CHRM2: variants seen among roughly 807,000 people sequenced by gnomAD.
The protein encoded by CHRM2 is muscarinic acetylcholine receptor M2.
In CHRM2, 8 loss-of-function variants were observed where a neutral mutation model predicts 25.0. That is an observed-to-expected ratio of 0.32 (90% confidence interval 0.19 to 0.58). The LOEUF is 0.58. Ranked by LOEUF, CHRM2 falls within the 20% of genes least tolerant of loss-of-function variation. CHRM2 has a pLI of 0.88. For missense variants in CHRM2, 440 were observed against 567.1 expected (o/e 0.78, Z 2.28); for synonymous variants, 202 against 205.7 (o/e 0.98, Z 0.15).
intron 2 of CHRM2, among the ~76,000 whole-genome samples, chr7:136,914,739 A>T (rs1798015333): frequency 6.6e-6 from 1 of 151,956 alleles, no homozygotes; most frequent in African/African-American, 2.4e-5. Context: ...AGGGATGTTA[A>T]TCAAACCTAC....
At chr7:136,964,239 GT>G (rs1239884649) in intron 2 of CHRM2, among the ~76,000 whole-genome samples, 1 of 151,626 alleles carries the variant, frequency 6.6e-6, no homozygotes, top group Non-Finnish European at 1.5e-5. Flanking sequence ...ATATATATAT[GT>G]TTTTAAATGA....
At chr7:137,000,335 A>G (rs1266532566) in intron 3 of CHRM2, among the ~76,000 whole-genome samples, 2 of 148,420 alleles carry the variant, frequency 1.3e-5, no homozygotes, top group African/African-American at 5.0e-5. Context: ...AGTAGCCGGG[A>G]TTATAAATGC....
At chr7:136,894,898 C>T (rs753837667) in intron 2 of CHRM2, among the ~76,000 whole-genome samples, 1 of 152,056 alleles carries the variant, frequency 6.6e-6, no homozygotes, top group Non-Finnish European at 1.5e-5. Flanking sequence ...ATTAACAAAC[C>T]GAGGCTATCA....
intron 2 of CHRM2, among the ~76,000 whole-genome samples, chr7:136,947,696 A>G (rs1475444432): frequency 6.6e-6 from 1 of 152,174 alleles, no homozygotes; most frequent in African/African-American, 2.4e-5. Flanking sequence ...ATTAATGTTT[A>G]TAATTTACAG....
chr7:136,918,549 A>T (rs1798247893), intron 2 of CHRM2, among the ~76,000 whole-genome samples: 1 of 150,828 alleles, frequency 6.6e-6, no homozygotes, highest in East Asian at 2.0e-4. Context: ...TTTGCTGAAA[A>T]TATTTCCCTG....
rs57283576 is a variant in CHRM2, at chr7:137,000,194, C to CTTT, written c.-47+7950_-47+7952dup. 1.4e-3 allele frequency among the ~76,000 whole-genome samples: 105 copies of CTTT among 73,282 alleles called. 1 individual carries two copies. Among genetic ancestry groups the CTTT allele is most frequent in the African/African-American group, 2.0e-3 (35 of 17,666 alleles). 48.1% of individuals were successfully genotyped at this position (73,282 alleles called of 152,430 possible). ...TTGTCTTTCATAATTCTTTTTCTTT[C>CTTT]TTTTTTTTTTTTTTTTTTTTTTCGG... is the stretch of plus-strand genomic sequence containing the variant. On this transcript the variant is annotated intron_variant, in intron 3 of 3. Coordinates refer to ENST00000680005, the MANE Select transcript of CHRM2 (RefSeq NM_001006630.2).
chr7:136,886,267 C>G (rs1796460719), intron 2 of CHRM2, among the ~76,000 whole-genome samples: 1 of 152,304 alleles, frequency 6.6e-6, no homozygotes, highest in Admixed American at 6.5e-5. Context: ...CATGAAAACA[C>G]CGAGTGATAG....
chr7:136,981,153 T>C (rs763045392), intron 2 of CHRM2, among the ~76,000 whole-genome samples: 30 of 152,226 alleles, frequency 2.0e-4, no homozygotes, highest in Non-Finnish European at 3.7e-4. Context: ...ATTCAACTTC[T>C]TCCTGGTTTA....
At chr7:136,920,812 T>C (rs1798386249) in intron 2 of CHRM2, among the ~76,000 whole-genome samples, 1 of 152,144 alleles carries the variant, frequency 6.6e-6, no homozygotes, top group Non-Finnish European at 1.5e-5. Flanking sequence ...CTTCAAATTC[T>C]TCATCAGCTC....
At chr7:136,986,319 A>C (rs763877125) in intron 2 of CHRM2, among the ~76,000 whole-genome samples, 18 of 151,740 alleles carry the variant, frequency 1.2e-4, no homozygotes, top group Non-Finnish European at 2.4e-4. Flanking sequence ...TTTCCCCTCA[A>C]AGATTAAATT....
At chr7:136,948,586 T>C (rs1370998471) in intron 2 of CHRM2, among the ~76,000 whole-genome samples, 2 of 152,128 alleles carry the variant, frequency 1.3e-5, no homozygotes, top group Non-Finnish European at 2.9e-5. Flanking sequence ...AGCCAAAATG[T>C]TGTGAAAGTG....
intron 2 of CHRM2, among the ~76,000 whole-genome samples, chr7:136,875,036 A>T (rs1795993367): frequency 6.6e-6 from 1 of 150,618 alleles, no homozygotes; most frequent in South Asian, 2.1e-4. Context: ...ATATATATAT[A>T]TATGTAAAAA....
chr7:137,006,978 C>G (rs1804479135), intron 3 of CHRM2, among the ~76,000 whole-genome samples: 1 of 151,984 alleles, frequency 6.6e-6, no homozygotes, highest in African/African-American at 2.4e-5. Flanking sequence ...CAGAAACCCA[C>G]CAGCAGTATT....
chr7:136,904,902 C>G (rs1797447643), intron 2 of CHRM2, among the ~76,000 whole-genome samples: 1 of 151,850 alleles, frequency 6.6e-6, no homozygotes, highest in Non-Finnish European at 1.5e-5. Flanking sequence ...GTGAGAGGGA[C>G]TTTAACTCAC....
At chr7:137,005,807 G>T (rs1186235203) in intron 3 of CHRM2, among the ~76,000 whole-genome samples, 1 of 152,082 alleles carries the variant, frequency 6.6e-6, no homozygotes. Flanking sequence ...TTAATTCAAA[G>T]CAATGAATTA....
chr7:136,942,913 C>G (rs560278073), intron 2 of CHRM2, among the ~76,000 whole-genome samples: 1 of 151,426 alleles, frequency 6.6e-6, no homozygotes, highest in African/African-American at 2.4e-5. Context: ...TTTCTAACCC[C>G]TTACTGTCAG....
chr7:137,007,709 C>T (rs1804538057), intron 3 of CHRM2, among the ~76,000 whole-genome samples: 1 of 152,096 alleles, frequency 6.6e-6, no homozygotes, highest in Non-Finnish European at 1.5e-5. Context: ...CCAGGACTCG[C>T]TTCCATCTGT....
chr7:136,884,560 T>G (rs1031605528), intron 2 of CHRM2, among the ~76,000 whole-genome samples: 2 of 151,716 alleles, frequency 1.3e-5, no homozygotes, highest in Non-Finnish European at 2.9e-5. Context: ...CAATTGGTGG[T>G]GAGTTGAGGA....
chr7:136,934,184 T>C (rs1799278730), intron 2 of CHRM2, among the ~76,000 whole-genome samples: 1 of 152,090 alleles, frequency 6.6e-6, no homozygotes, highest in South Asian at 2.1e-4. Context: ...CTATGGAATT[T>C]TATATTTCTC....
Sources: allele counts gnomAD v4.1 joint callset (sites outside exome capture counted in the v4.1 genomes callset), GRCh38; gene constraint gnomAD v4.1.1; transcripts MANE v1.5; gene names NCBI Gene and HGNC (gene_info 2026-07-23, HGNC 2026-07-21).